Variants in NLGN1 observed in about 807,000 individuals in gnomAD.
NLGN1 encodes the protein neuroligin-1.
A neutral mutation model predicts 65.5 loss-of-function variants in NLGN1; 12 were observed. The observed-to-expected ratio is 0.18, with a 90% CI of 0.12 to 0.30. The LOEUF is 0.30. Among genes scored for constraint, NLGN1 ranks in the 10% least tolerant of loss-of-function variants. The pLI, the probability that NLGN1 is intolerant of heterozygous loss-of-function variation, is 1.00. For synonymous variants in NLGN1, 350 were observed against 359.5 expected, an observed-to-expected ratio of 0.97 and a Z score of 0.30; for missense variants, 750 against 1,007.1, an observed-to-expected ratio of 0.74 and a Z score of 3.46.
At chr3:173,844,009 C>T (rs947100019) in intron 4 of NLGN1, among the ~76,000 whole-genome samples, 3 of 152,146 alleles carry the variant, frequency 2.0e-5, no homozygotes, top group African/African-American at 7.2e-5. Flanking sequence ...GCCTCACAAT[C>T]ATGGTGGAAG....
At chr3:174,265,779 A>G (rs1430234951) in intron 4 of NLGN1, among the ~76,000 whole-genome samples, 66 of 127,246 alleles carry the variant, frequency 5.2e-4, no homozygotes, top group Middle Eastern at 8.2e-3. Context: ...ATATATATAT[A>G]TATGTATATA....
intron 4 of NLGN1, among the ~76,000 whole-genome samples, chr3:173,944,412 A>G (rs1257832524): frequency 6.6e-6 from 1 of 152,106 alleles, no homozygotes; most frequent in Non-Finnish European, 1.5e-5. Context: ...TCTCTGCAGC[A>G]TTTACTTGAT....
At chr3:173,770,801 T>C (rs1578350023) in intron 3 of NLGN1, among the ~76,000 whole-genome samples, 1 of 152,122 alleles carries the variant, frequency 6.6e-6, no homozygotes, top group South Asian at 2.1e-4. Flanking sequence ...AGATACTGCA[T>C]GTGATTCAAT....
At chr3:173,503,079 A>G (rs1577010692) in intron 2 of NLGN1, among the ~76,000 whole-genome samples, 1 of 151,414 alleles carries the variant, frequency 6.6e-6, no homozygotes, top group Non-Finnish European at 1.5e-5. Flanking sequence ...TGTATATGGC[A>G]TGTTGTGTGT....
chr3:173,922,343 T>A (rs374230794), intron 4 of NLGN1, among the ~76,000 whole-genome samples: 5 of 152,100 alleles, frequency 3.3e-5, no homozygotes, highest in African/African-American at 1.2e-4. Context: ...GTTTAGACAG[T>A]ATACCGGTAG....
intron 2 of NLGN1, among the ~76,000 whole-genome samples, chr3:173,510,684 A>G (rs1156639984): frequency 6.6e-6 from 1 of 152,176 alleles, no homozygotes; most frequent in Non-Finnish European, 1.5e-5. Flanking sequence ...TGTGCTCTCC[A>G]GTTGATAAAT....
At chr3:174,007,812 A>G (rs1478681534) in intron 4 of NLGN1, among the ~76,000 whole-genome samples, 1 of 152,196 alleles carries the variant, frequency 6.6e-6, no homozygotes, top group African/African-American at 2.4e-5. Flanking sequence ...TATACATTGT[A>G]TACACACACA....
At chr3:173,571,748 G>A (rs1430949554) in intron 2 of NLGN1, among the ~76,000 whole-genome samples, 1 of 152,148 alleles carries the variant, frequency 6.6e-6, no homozygotes, top group African/African-American at 2.4e-5. Context: ...AGTAGGTTTA[G>A]ATGTTTGTTT....
intron 4 of NLGN1, among the ~76,000 whole-genome samples, chr3:173,948,170 A>G (rs1395630280): frequency 6.6e-6 from 1 of 152,170 alleles, no homozygotes; most frequent in Non-Finnish European, 1.5e-5. Context: ...TCCTTTTTAG[A>G]GTTGGTTGGC....
At chr3:174,133,734 G>A (rs150550965) in intron 4 of NLGN1, among the ~76,000 whole-genome samples, 143 of 152,264 alleles carry the variant, frequency 9.4e-4, no homozygotes, top group African/African-American at 3.4e-3. Context: ...AAGACAAGCA[G>A]TAAGTTTTTG....
At chr3:174,205,337 G>C (rs2152781156) in intron 4 of NLGN1, among the ~76,000 whole-genome samples, 1 of 152,122 alleles carries the variant, frequency 6.6e-6, no homozygotes, top group Non-Finnish European at 1.5e-5. Context: ...AAAGAAAATG[G>C]AGATGTTTAG....
intron 4 of NLGN1, among the ~76,000 whole-genome samples, chr3:174,174,525 G>C (rs1729102147): frequency 6.6e-6 from 1 of 151,960 alleles, no homozygotes; most frequent in African/African-American, 2.4e-5. Context: ...ATTCTTGCAG[G>C]AGTAAGGTGA....
At position 174,280,396 on chromosome 3, in the gene NLGN1, A is replaced by C; in HGVS notation, c.1650-85A>C. 1 of 905,488 alleles carries C rather than the reference A, an allele frequency of 1.1e-6. No individual in the cohort carries two copies. Among genetic ancestry groups the C allele is most frequent in the Non-Finnish European group, 1.7e-6 (1 of 598,372 alleles). The allele number at this position is 905,488 out of a possible 1,614,324, so 56.1% of individuals were successfully genotyped here. A position where few individuals can be genotyped will look rare whatever the true frequency, so the allele number is the denominator to read the frequency against. On this transcript the variant is annotated intron_variant, in intron 6 of 6. Transcript: ENST00000457714. The surrounding 1 kb of genome is among the most constrained non-coding windows in gnomAD (Gnocchi z 4.9). Reference sequence around the variant, plus strand: ...AATCTAAAGCATTGCTGAGTCATCTATTTAATTATTAGATGTTAAAGTAGT... The same window carrying C: ...AATCTAAAGCATTGCTGAGTCATCTCTTTAATTATTAGATGTTAAAGTAGT...
intron 4 of NLGN1, among the ~76,000 whole-genome samples, chr3:174,208,868 G>C (rs941628493): frequency 6.6e-6 from 1 of 152,096 alleles, no homozygotes; most frequent in Non-Finnish European, 1.5e-5. Flanking sequence ...GTGTAACGTG[G>C]TGATATAGGC....
chr3:173,745,342 C>T lies in NLGN1; in HGVS notation c.494-62338C>T, dbSNP rs538687551. 3.0e-3 allele frequency among the ~76,000 whole-genome samples: 460 copies of T among 152,222 alleles called. 5 individuals carry two copies. The highest frequency in any genetic ancestry group is 0.011 in the African/African-American group (437 of 41,564). ...TCACCCCCAAAATGTTACCAGACATCATTTTTTTAAAGTAGTAGATCCTTG... is the reference window on the plus strand; with the variant it reads ...TCACCCCCAAAATGTTACCAGACATTATTTTTTTAAAGTAGTAGATCCTTG... On this transcript the variant is annotated intron_variant, in intron 3 of 6. Transcript: ENST00000457714.
rs59051811 is a variant in NLGN1 at position 173,419,020 on chromosome 3, C to CTTTTTTTTTTTTTTTTTTTTTTT, written c.-389-15978_-389-15956dup. ...TCTGTTCTTTAGCTTTCTTCTTCTT[C>CTTTTTTTTTTTTTTTTTTTTTTT]TTTTTTTTTTTTTTTTTTTTTTTTT... On this transcript the variant is annotated intron_variant, in intron 1 of 6. Transcript: ENST00000457714. Among the ~76,000 whole-genome samples the CTTTTTTTTTTTTTTTTTTTTTTT allele has an allele frequency of 2.4e-4, 3 of 12,262 alleles. 1 individual carries two copies. The highest frequency in any genetic ancestry group is 6.8e-4 in the African/African-American group (2 of 2,928). 8.0% of individuals were successfully genotyped at this position (12,262 alleles called of 152,430 possible).
At chr3:174,247,062 T>G (rs1196973664) in intron 4 of NLGN1, among the ~76,000 whole-genome samples, 2 of 152,238 alleles carry the variant, frequency 1.3e-5, no homozygotes, top group Non-Finnish European at 2.9e-5. Flanking sequence ...ATCTTAAGGT[T>G]GATACATCTT....
rs372623188 is a variant in NLGN1, at chr3:174,273,001, CT to C, written c.647-2301del. Among the ~76,000 whole-genome samples, 853 of 144,122 alleles carry C rather than the reference CT, an allele frequency of 5.9e-3. 5 individuals are homozygous for C. The highest frequency in any genetic ancestry group is 0.015 in the African/African-American group (610 of 39,424). The allele number at this position is 144,122 out of a possible 152,430, so 94.5% of individuals were successfully genotyped here. On this transcript the variant is annotated intron_variant, in intron 4 of 6. Coordinates refer to ENST00000457714, the Ensembl canonical transcript of NLGN1. The stretch of plus-strand genomic sequence containing the variant: ...AAGTAGAAGTTACTTTTCAGAGGAA[CT>C]TTTTTTTTTTTTACAGCACTGTTGT...
chr3:173,885,153 G>T (rs1170465730), intron 4 of NLGN1, among the ~76,000 whole-genome samples: 1 of 152,122 alleles, frequency 6.6e-6, no homozygotes, highest in Non-Finnish European at 1.5e-5. Flanking sequence ...TATCTCCATA[G>T]ATCTGAGGGT....
Sources: allele counts gnomAD v4.1 joint callset (sites outside exome capture counted in the v4.1 genomes callset), GRCh38; gene constraint gnomAD v4.1.1; non-coding constraint Gnocchi (gnomAD v3.1); transcripts MANE v1.5; gene names NCBI Gene and HGNC (gene_info 2026-07-23, HGNC 2026-07-21).